Variants in EDIL3 observed in about 807,000 individuals in gnomAD.
EDIL3 encodes EGF like and discoidin domains 3, also known as EGF-like repeat and discoidin I-like domain-containing protein 3.
EDIL3 carries 37 observed loss-of-function variants against 67.4 expected under a neutral mutation model. The observed-to-expected ratio is 0.55, with a 90% CI of 0.42 to 0.72. The LOEUF is 0.72. Ranked by LOEUF, EDIL3 falls within the 30% of genes least tolerant of loss-of-function variation. EDIL3 has a pLI of 0.00. For missense variants in EDIL3, 527 were observed against 586.3 expected, an observed-to-expected ratio of 0.90 and a Z score of 1.04; for synonymous variants, 195 against 196.3, an observed-to-expected ratio of 0.99 and a Z score of 0.05.
At chr5:84,326,320 T>G (rs1214635747) in intron 1 of EDIL3, among the ~76,000 whole-genome samples, 2 of 152,040 alleles carry the variant, frequency 1.3e-5, no homozygotes, top group African/African-American at 4.8e-5. Flanking sequence ...AGACATGAGG[T>G]ACTTAAGAGT....
At position 84,086,836 on chromosome 5, in the gene EDIL3, G is replaced by T. The variant is rs1747081162; in HGVS notation, c.651+19813C>A. On this transcript the variant is annotated intron_variant, in intron 6 of 10. Coordinates refer to ENST00000296591, the MANE Select transcript of EDIL3 (RefSeq NM_005711.5). ...TACGCAGAAGGTGCTGATAAATCAG[G>T]GCCCCAGGTATCCTCTGTCTCGTTA... Among the ~76,000 whole-genome samples, 3 of 152,036 alleles carry T rather than the reference G, an allele frequency of 2.0e-5. No individual in the cohort carries two copies. The South Asian group carries it at 6.2e-4, about 32-fold the overall frequency.
chr5:84,202,772 A>G (rs1386752809), intron 3 of EDIL3, among the ~76,000 whole-genome samples: 1 of 152,180 alleles, frequency 6.6e-6, no homozygotes, highest in African/African-American at 2.4e-5. Context: ...GATATAGAGA[A>G]GACAGAGAAG....
intron 1 of EDIL3, among the ~76,000 whole-genome samples, chr5:84,366,764 G>T (rs1306319220): frequency 6.6e-6 from 1 of 152,140 alleles, no homozygotes; most frequent in Admixed American, 6.6e-5. Flanking sequence ...GCTAGTAGGT[G>T]AGTTATTTCA....
intron 9 of EDIL3, among the ~76,000 whole-genome samples, chr5:84,002,748 T>C (rs1745352679): frequency 6.6e-6 from 1 of 152,210 alleles, no homozygotes; most frequent in Admixed American, 6.5e-5. Flanking sequence ...CTCTCTGACA[T>C]TGCAACTGCA....
At chr5:84,111,706 G>T (rs947617051) in intron 5 of EDIL3, among the ~76,000 whole-genome samples, 1 of 152,176 alleles carries the variant, frequency 6.6e-6, no homozygotes, top group African/African-American at 2.4e-5. Context: ...GGTGTCAGGT[G>T]ATCAGAGATG....
chr5:84,263,977 T>A (rs1745291649), intron 1 of EDIL3, among the ~76,000 whole-genome samples: 2 of 152,198 alleles, frequency 1.3e-5, no homozygotes, highest in African/African-American at 2.4e-5. Context: ...TGATGGCTCA[T>A]GCCTGTAATC....
At chr5:84,037,307 C>T (rs1366997130) in intron 9 of EDIL3, among the ~76,000 whole-genome samples, 2 of 152,154 alleles carry the variant, frequency 1.3e-5, no homozygotes, top group Non-Finnish European at 2.9e-5. Context: ...AATGCTATTG[C>T]TGATCTCCCC....
intron 1 of EDIL3, among the ~76,000 whole-genome samples, chr5:84,363,905 T>C (rs193250625): frequency 6.6e-6 from 1 of 152,344 alleles, no homozygotes. Context: ...GCATTGTTCA[T>C]ATTTTGATCA....
At chr5:84,206,951 C>A (rs1743993924) in intron 3 of EDIL3, among the ~76,000 whole-genome samples, 1 of 152,140 alleles carries the variant, frequency 6.6e-6, no homozygotes, top group Non-Finnish European at 1.5e-5. Context: ...ACTGAATGGG[C>A]AAAAACTGGA....
At chr5:84,273,243 C>A (rs1473871382) in intron 1 of EDIL3, among the ~76,000 whole-genome samples, 1 of 152,126 alleles carries the variant, frequency 6.6e-6, no homozygotes, top group Non-Finnish European at 1.5e-5. Context: ...AGATTCCTGA[C>A]CCAATTCCTA....
At chr5:83,970,274 A>ATATATG (rs1231306778) in intron 9 of EDIL3, among the ~76,000 whole-genome samples, 2 of 147,494 alleles carry the variant, frequency 1.4e-5, no homozygotes, top group African/African-American at 4.9e-5. Flanking sequence ...ATATATATAT[A>ATATATG]TATATATAGT....
chr5:84,282,868 G>A (rs1561244743), intron 1 of EDIL3, among the ~76,000 whole-genome samples: 1 of 152,022 alleles, frequency 6.6e-6, no homozygotes, highest in Non-Finnish European at 1.5e-5. Flanking sequence ...ATGTAGTTAA[G>A]TATATAATAT....
intron 9 of EDIL3, among the ~76,000 whole-genome samples, chr5:83,976,281 CTTG>C (rs1744875785): frequency 6.6e-6 from 1 of 151,838 alleles, no homozygotes; most frequent in Non-Finnish European, 1.5e-5. Context: ...GAGAAATATC[CTTG>C]TTGTTTGGGA....
intron 1 of EDIL3, among the ~76,000 whole-genome samples, chr5:84,305,586 C>T (rs1403947241): frequency 3.9e-5 from 6 of 152,160 alleles, no homozygotes; most frequent in Admixed American, 1.3e-4. Flanking sequence ...TAAAAATTAA[C>T]TTTAAGATAC....
At chr5:83,975,664 G>C (rs930574267) in intron 9 of EDIL3, among the ~76,000 whole-genome samples, 7 of 151,808 alleles carry the variant, frequency 4.6e-5, no homozygotes, top group Non-Finnish European at 8.8e-5. Context: ...GGAAATAGAT[G>C]TATAATTCCT....
chr5:84,111,139 T>G (rs1243793509), intron 5 of EDIL3, among the ~76,000 whole-genome samples: 1 of 152,144 alleles, frequency 6.6e-6, no homozygotes, highest in African/African-American at 2.4e-5. Flanking sequence ...TTGCTTCCCC[T>G]TTGCCCTTCC....
intron 9 of EDIL3, among the ~76,000 whole-genome samples, chr5:83,968,938 T>C (rs187936828): frequency 3.6e-4 from 55 of 151,948 alleles, no homozygotes; most frequent in Middle Eastern, 6.8e-3. Flanking sequence ...AAATTTATTA[T>C]TAGAAAACTT....
intron 3 of EDIL3, among the ~76,000 whole-genome samples, chr5:84,198,061 C>T (rs1743749230): frequency 6.6e-6 from 1 of 151,960 alleles, no homozygotes; most frequent in Non-Finnish European, 1.5e-5. Context: ...TGGGGCACAA[C>T]ATCTGAGTAG....
At chr5:83,970,120 T>C (rs1344756852) in intron 9 of EDIL3, among the ~76,000 whole-genome samples, 1 of 151,682 alleles carries the variant, frequency 6.6e-6, no homozygotes, top group Non-Finnish European at 1.5e-5. Context: ...TTTTAGCTTC[T>C]ACACAAGTGA....
Sources: gnomAD v4.1 joint callset for allele counts (sites outside exome capture counted in the v4.1 genomes callset) on GRCh38, gnomAD v4.1.1 for gene constraint, MANE v1.5 for transcripts, NCBI Gene and HGNC (gene_info 2026-07-23, HGNC 2026-07-21) for gene names.